SGCZ: variants seen among roughly 807,000 people sequenced by gnomAD.
SGCZ encodes the protein sarcoglycan zeta.
Under a neutral mutation model 41.3 loss-of-function variants are expected in SGCZ, and 40 were observed. The ratio of observed to expected loss-of-function variants is 0.97; its 90% CI spans 0.75 to 1.26. SGCZ has a LOEUF of 1.26. Ranked by LOEUF, SGCZ falls within the 50% of genes most tolerant of loss-of-function variation. The pLI is 0.00. For synonymous variants in SGCZ, 206 were observed against 137.5 expected, an observed-to-expected ratio of 1.50 and a Z score of -3.49; for missense variants, 552 against 369.8, an observed-to-expected ratio of 1.49 and a Z score of -4.04.
chr8:15,074,790 G>C (rs1424345206), intron 1 of SGCZ, among the ~76,000 whole-genome samples: 8 of 152,060 alleles, frequency 5.3e-5, no homozygotes, highest in Non-Finnish European at 1.0e-4. Flanking sequence ...ATTCATGCGT[G>C]GAATACATAG....
chr8:14,267,074 T>C (rs987688075), intron 3 of SGCZ, among the ~76,000 whole-genome samples: 1 of 152,128 alleles, frequency 6.6e-6, no homozygotes, highest in Non-Finnish European at 1.5e-5. Context: ...ATTTTTGTTT[T>C]CTTATTTAAT....
At chr8:14,441,224 T>C (rs897733030) in intron 2 of SGCZ, among the ~76,000 whole-genome samples, 3 of 152,154 alleles carry the variant, frequency 2.0e-5, no homozygotes, top group African/African-American at 4.8e-5. Context: ...AAATTACAGA[T>C]TTTCCTCTTT....
chr8:14,590,907 A>G (rs983112978), intron 1 of SGCZ, among the ~76,000 whole-genome samples: 1 of 149,444 alleles, frequency 6.7e-6, no homozygotes, highest in African/African-American at 2.4e-5. Flanking sequence ...TATAAAGTAC[A>G]TACACTATAT....
At chr8:14,812,032 G>T (rs1801753109) in intron 1 of SGCZ, among the ~76,000 whole-genome samples, 1 of 151,856 alleles carries the variant, frequency 6.6e-6, no homozygotes. Context: ...GGGATTATAG[G>T]GGTAAGACAG....
At chr8:14,915,817 A>C (rs1379950529) in intron 1 of SGCZ, among the ~76,000 whole-genome samples, 1 of 151,948 alleles carries the variant, frequency 6.6e-6, no homozygotes, top group Non-Finnish European at 1.5e-5. Flanking sequence ...TCTTCTGTCT[A>C]TTAAACTTTC....
At chr8:14,239,127 T>C (rs1048094258) in intron 3 of SGCZ, among the ~76,000 whole-genome samples, 1 of 152,066 alleles carries the variant, frequency 6.6e-6, no homozygotes, top group Admixed American at 6.6e-5. Flanking sequence ...TCAAGTGATA[T>C]ATCCAAATTC....
At chr8:14,510,815 A>G (rs897526272) in intron 2 of SGCZ, among the ~76,000 whole-genome samples, 3 of 152,132 alleles carry the variant, frequency 2.0e-5, no homozygotes, top group Non-Finnish European at 4.4e-5. Context: ...TATGTAAATA[A>G]AAAGCTAAAT....
At chr8:14,695,470 C>A (rs931765364) in intron 1 of SGCZ, among the ~76,000 whole-genome samples, 2 of 152,036 alleles carry the variant, frequency 1.3e-5, no homozygotes, top group Non-Finnish European at 2.9e-5. Context: ...TTTATCATAA[C>A]ATCTATTATG....
intron 1 of SGCZ, among the ~76,000 whole-genome samples, chr8:14,828,389 G>C (rs1012380196): frequency 1.3e-5 from 2 of 152,132 alleles, no homozygotes; most frequent in Non-Finnish European, 1.5e-5. Flanking sequence ...CATTTCAATT[G>C]GTTCCACTTA....
At chr8:14,784,981 T>G (rs897944886) in intron 1 of SGCZ, among the ~76,000 whole-genome samples, 3 of 142,462 alleles carry the variant, frequency 2.1e-5, no homozygotes, top group African/African-American at 7.7e-5. Flanking sequence ...TATATATTTT[T>G]TATATATTAT....
chr8:14,693,290 T>C (rs1808856599), intron 1 of SGCZ, among the ~76,000 whole-genome samples: 1 of 100,008 alleles, frequency 1.0e-5, no homozygotes, highest in Non-Finnish European at 2.0e-5. Context: ...ATTAATTGAA[T>C]ACCTTTTTTT....
chr8:14,525,058 T>C (rs150334271), intron 2 of SGCZ, among the ~76,000 whole-genome samples: 29 of 152,074 alleles, frequency 1.9e-4, no homozygotes, highest in African/African-American at 6.7e-4. Context: ...GAGAGATAGA[T>C]GATGATGATG....
chr8:14,698,878 A>G (rs189262181), intron 1 of SGCZ, among the ~76,000 whole-genome samples: 1 of 151,968 alleles, frequency 6.6e-6, no homozygotes, highest in African/African-American at 2.4e-5. Flanking sequence ...ACTATGGGGT[A>G]GAAAGGTAGA....
At chr8:14,738,757 T>C (rs186166651) in intron 1 of SGCZ, among the ~76,000 whole-genome samples, 19 of 152,146 alleles carry the variant, frequency 1.2e-4, no homozygotes, top group Admixed American at 1.2e-3. Context: ...TTAAACTGCT[T>C]GCAAAAGAAG....
At chr8:14,600,981 T>A (rs895580364) in intron 1 of SGCZ, among the ~76,000 whole-genome samples, 1 of 151,200 alleles carries the variant, frequency 6.6e-6, no homozygotes, top group African/African-American at 2.4e-5. Flanking sequence ...CTTATACTTT[T>A]AATGCATATG....
At chr8:14,658,813 A>G (rs1241528223) in intron 1 of SGCZ, among the ~76,000 whole-genome samples, 2 of 152,096 alleles carry the variant, frequency 1.3e-5, no homozygotes, top group Non-Finnish European at 2.9e-5. Flanking sequence ...AGAATCTAGA[A>G]GAGTATCTAG....
chr8:14,459,168 C>CA (rs1297194414), intron 2 of SGCZ, among the ~76,000 whole-genome samples: 1 of 151,316 alleles, frequency 6.6e-6, no homozygotes, highest in Non-Finnish European at 1.5e-5. Flanking sequence ...ATCGAGAGGA[C>CA]AAAAAACCAA....
chr8:15,057,087 A>G (rs1433919115), intron 1 of SGCZ, among the ~76,000 whole-genome samples: 1 of 152,180 alleles, frequency 6.6e-6, no homozygotes, highest in Non-Finnish European at 1.5e-5. Context: ...ATGCTCTGGC[A>G]TCGCTGTTCC....
chr8:14,974,482 A>G (rs5028286), intron 1 of SGCZ, among the ~76,000 whole-genome samples: 28,414 of 152,098 alleles, frequency 0.19, 3,603 homozygotes, highest in African/African-American at 0.35. Flanking sequence ...AGCATTTCCT[A>G]GGTGCTAGCT....
Sources: allele counts gnomAD v4.1 joint callset (sites outside exome capture counted in the v4.1 genomes callset), GRCh38; gene constraint gnomAD v4.1.1; transcripts MANE v1.5; gene names NCBI Gene and HGNC (gene_info 2026-07-23, HGNC 2026-07-21).